The following SASH1 variants were observed in gnomAD, a reference collection of about 807,000 sequenced individuals.
SASH1 encodes the protein SAM and SH3 domain-containing protein 1.
A neutral mutation model predicts 125.2 loss-of-function variants in SASH1; 44 were observed. The ratio of observed to expected loss-of-function variants is 0.35; its 90% CI spans 0.28 to 0.45. SASH1 has a LOEUF of 0.45. SASH1 is among the 20% of genes least tolerant of loss of function. SASH1 has a pLI of 1.00. For missense variants in SASH1, 1,426 were observed against 1,614.5 expected (o/e 0.88, Z 2.00); for synonymous variants, 639 against 649.1 (o/e 0.98, Z 0.24).
intron 8 of SASH1, among the ~76,000 whole-genome samples, chr6:148,491,835 T>G (rs543026443): frequency 6.6e-6 from 1 of 152,292 alleles, no homozygotes; most frequent in Admixed American, 6.5e-5. Context: ...AATAAATGTG[T>G]CATAGGCCAG....
At chr6:148,454,139 T>A (rs540631799) in intron 4 of SASH1, among the ~76,000 whole-genome samples, 1 of 152,194 alleles carries the variant, frequency 6.6e-6, no homozygotes, top group East Asian at 1.9e-4. Flanking sequence ...GCTTCGCGGG[T>A]GCAGAGGGCC....
chr6:148,252,420 A>T, the SASH1 span, among the ~76,000 whole-genome samples: 1 of 151,950 alleles, frequency 6.6e-6, no homozygotes, highest in African/African-American at 2.4e-5. Flanking sequence ...CATCATGGCT[A>T]TACTGACACC....
At chr6:148,412,321 T>G (rs1784661025) in intron 2 of SASH1, among the ~76,000 whole-genome samples, 1 of 152,160 alleles carries the variant, frequency 6.6e-6, no homozygotes, top group African/African-American at 2.4e-5. Context: ...CTGGTAATAG[T>G]AGCAGGTATG....
intron 1 of SASH1, among the ~76,000 whole-genome samples, chr6:148,359,236 G>C (rs555728662): frequency 6.6e-6 from 1 of 151,680 alleles, no homozygotes; most frequent in Non-Finnish European, 1.5e-5. Context: ...TCAGCTCACT[G>C]TAACCTCCGC....
chr6:148,473,312 G>T (rs1778196908), intron 6 of SASH1, among the ~76,000 whole-genome samples: 1 of 152,132 alleles, frequency 6.6e-6, no homozygotes, highest in Non-Finnish European at 1.5e-5. Context: ...GAGTGCAGTG[G>T]TGTGATCTTG....
Position 148,349,589 on chromosome 6 carries a change from G to A in SASH1, c.156+6366G>A, listed in dbSNP as rs187082921. Among the ~76,000 whole-genome samples the A allele has an allele frequency of 7.1e-3, 1,081 of 152,166 alleles. 10 individuals carry two copies. The highest frequency in any genetic ancestry group is 0.017 in the Middle Eastern group (5 of 294). ...GGCCAGAAAAGTAACTTTTGTAGGCGATGGGGTGGCAATGAGGTTGGAGGG... is the reference window on the plus strand; with the variant it reads ...GGCCAGAAAAGTAACTTTTGTAGGCAATGGGGTGGCAATGAGGTTGGAGGG... On this transcript the variant is annotated intron_variant, in intron 1 of 19. Coordinates refer to ENST00000367467, the MANE Select transcript of SASH1 (RefSeq NM_015278.5).
chr6:148,449,054 A>T (rs1361103195), intron 4 of SASH1, among the ~76,000 whole-genome samples: 8 of 108,554 alleles, frequency 7.4e-5, no homozygotes, highest in African/African-American at 1.1e-4. Context: ...AGAATACCCG[A>T]GACTGGCTAA....
intron 4 of SASH1, chr6:148,440,651 C>G (rs1048174191): frequency 2.0e-6 from 1 of 505,326 alleles, no homozygotes; most frequent in Non-Finnish European, 3.5e-6. Context: ...TGAATAAACC[C>G]TAAATAAATC....
intron 4 of SASH1, among the ~76,000 whole-genome samples, chr6:148,454,597 G>A (rs1455493159): frequency 6.6e-6 from 1 of 152,140 alleles, no homozygotes; most frequent in African/African-American, 2.4e-5. Flanking sequence ...AGCATCTTGG[G>A]GGAATGGGTG....
In SASH1 at chr6:148,546,276, T is replaced by A. The variant is rs575153797; in HGVS notation, c.3480+130T>A. On this transcript the variant is annotated intron_variant, in intron 19 of 19. Coordinates refer to ENST00000367467, the MANE Select transcript of SASH1 (RefSeq NM_015278.5). ...GGAAAGGAGACAGCTGGGGAGAAAG[T>A]AATATGTGGTCAGCCTAGAAATGTT... 22 of 1,035,082 alleles carry A rather than the reference T, an allele frequency of 2.1e-5. No homozygotes were observed. The East Asian group carries it at 5.1e-4, about 24-fold the overall frequency. The allele number at this position is 1,035,082 out of a possible 1,614,324, so 64.1% of individuals were successfully genotyped here.
At chr6:148,547,929 A>G (rs937633930) in intron 19 of SASH1, among the ~76,000 whole-genome samples, 3 of 152,238 alleles carry the variant, frequency 2.0e-5, no homozygotes, top group Admixed American at 6.5e-5. Flanking sequence ...TGAATGCTAC[A>G]TTTCACACGA....
At chr6:148,515,930 C>T (rs954384513) in intron 9 of SASH1, among the ~76,000 whole-genome samples, 1 of 152,162 alleles carries the variant, frequency 6.6e-6, no homozygotes. Flanking sequence ...AGTATCTAGT[C>T]CTGGGCCTGT....
intron 1 of SASH1, among the ~76,000 whole-genome samples, chr6:148,313,840 T>G (rs1475477925): frequency 6.6e-6 from 1 of 152,220 alleles, no homozygotes; most frequent in Non-Finnish European, 1.5e-5. Flanking sequence ...TTGCATTAAT[T>G]CCTCATCAGA....
At chr6:148,374,893 C>T (rs1002048649) in intron 1 of SASH1, among the ~76,000 whole-genome samples, 6 of 152,138 alleles carry the variant, frequency 3.9e-5, no homozygotes, top group Admixed American at 2.0e-4. Context: ...GACGGGGTTT[C>T]GCCATGTTGG....
intron 2 of SASH1, among the ~76,000 whole-genome samples, chr6:148,398,178 A>G (rs1348880270): frequency 1.3e-5 from 2 of 152,214 alleles, no homozygotes; most frequent in African/African-American, 4.8e-5. Flanking sequence ...GTTCTTTCAC[A>G]GGTCCTTGGA....
intron 17 of SASH1, among the ~76,000 whole-genome samples, chr6:148,542,997 C>T (rs1436726716): frequency 6.6e-6 from 1 of 152,176 alleles, no homozygotes; most frequent in South Asian, 2.1e-4. Flanking sequence ...AACTACCAGT[C>T]GTCAGATAAG....
chr6:148,368,768 G>GTGCACACACACACACACA (rs71797719), intron 1 of SASH1, among the ~76,000 whole-genome samples: 2 of 70,450 alleles, frequency 2.8e-5, no homozygotes, highest in Non-Finnish European at 5.8e-5. Context: ...GCGCACGCGC[G>GTGCACACACACACACACA]CGCACACACA....
At chr6:148,419,702 A>G (rs1337053669) in intron 2 of SASH1, among the ~76,000 whole-genome samples, 1 of 151,746 alleles carries the variant, frequency 6.6e-6, no homozygotes, top group African/African-American at 2.4e-5. Context: ...TCCTGTTTGT[A>G]CTCTTCTGAG....
chr6:148,364,097 C>A (rs1782355645), intron 1 of SASH1, among the ~76,000 whole-genome samples: 1 of 152,148 alleles, frequency 6.6e-6, no homozygotes, highest in African/African-American at 2.4e-5. Context: ...GCAGCCCATC[C>A]TGTTGGTAAA....
Sources: gnomAD v4.1 joint callset for allele counts (sites outside exome capture counted in the v4.1 genomes callset) on GRCh38, gnomAD v4.1.1 for gene constraint, MANE v1.5 for transcripts, NCBI Gene and HGNC (gene_info 2026-07-23, HGNC 2026-07-21) for gene names.